The following ERCC8 variants were observed in gnomAD, a reference collection of about 807,000 sequenced individuals.
The protein encoded by ERCC8 is DNA excision repair protein ERCC-8.
ERCC8 carries 52 observed loss-of-function variants against 54.9 expected under a neutral mutation model. The observed-to-expected ratio is 0.95, with a 90% CI of 0.76 to 1.19. The LOEUF (loss-of-function observed/expected upper bound fraction) is 1.19, where lower values mean the gene tolerates loss of function less well. Ranked by LOEUF, ERCC8 falls within the 50% of genes most tolerant of loss-of-function variation. ERCC8 has a pLI of 0.00. For missense variants in ERCC8, 514 were observed against 466.1 expected, an observed-to-expected ratio of 1.10 and a Z score of -0.95; for synonymous variants, 146 against 157.2, an observed-to-expected ratio of 0.93 and a Z score of 0.53.
intron 11 of ERCC8, among the ~76,000 whole-genome samples, chr5:60,875,890 T>C (rs1301600723): frequency 1.1e-4 from 13 of 114,060 alleles, no homozygotes; most frequent in Non-Finnish European, 1.9e-4. Context: ...TTATTTATTT[T>C]TTCTTTTTTT....
intron 7 of ERCC8, 21 bp downstream of exon 7, chr5:60,902,421 A>T: frequency 6.3e-7 from 1 of 1,581,848 alleles, no homozygotes; most frequent in Non-Finnish European, 8.7e-7. Flanking sequence ...TAACTTCAAA[A>T]GCAAATAAGT....
chr5:60,935,171 A>C (rs1750028767), intron 1 of ERCC8, among the ~76,000 whole-genome samples: 1 of 152,090 alleles, frequency 6.6e-6, no homozygotes, highest in Non-Finnish European at 1.5e-5. Context: ...CCAAATGTAG[A>C]ATTTAGCTGT....
chr5:60,888,729 C>A (rs190076110), intron 10 of ERCC8, among the ~76,000 whole-genome samples: 4 of 152,304 alleles, frequency 2.6e-5, no homozygotes, highest in Admixed American at 2.6e-4. Flanking sequence ...CAAAAGACTT[C>A]TTTTCCCCCT....
chr5:60,890,545 A>C (rs1748516147), intron 10 of ERCC8, among the ~76,000 whole-genome samples: 1 of 152,210 alleles, frequency 6.6e-6, no homozygotes, highest in Admixed American at 6.5e-5. Flanking sequence ...ACATATACAA[A>C]TTATATTTTA....
intron 9 of ERCC8, chr5:60,892,231 C>A: frequency 1.8e-6 from 1 of 542,960 alleles, no homozygotes. Context: ...GATCTCCAAT[C>A]TTATATACAG....
chr5:60,931,524 GT>G (rs1215255734), intron 1 of ERCC8, among the ~76,000 whole-genome samples: 1 of 152,066 alleles, frequency 6.6e-6, no homozygotes, highest in Admixed American at 6.5e-5. Context: ...GCCCAGGCTG[GT>G]TTGGAACTCC....
chr5:60,907,079 A>G (rs12696976), intron 4 of ERCC8, among the ~76,000 whole-genome samples: 22,644 of 152,278 alleles, frequency 0.15, 2,137 homozygotes, highest in South Asian at 0.28. Flanking sequence ...TGACATCACC[A>G]TAAAAGATTA....
At chr5:60,908,454 G>A (rs983717047) in intron 4 of ERCC8, among the ~76,000 whole-genome samples, 5 of 151,180 alleles carry the variant, frequency 3.3e-5, no homozygotes, top group African/African-American at 4.9e-5. Context: ...TCAACAAATC[G>A]AAAATTGAAC....
At chr5:60,877,450 A>G (rs1748048539) in intron 11 of ERCC8, among the ~76,000 whole-genome samples, 1 of 152,136 alleles carries the variant, frequency 6.6e-6, no homozygotes, top group Non-Finnish European at 1.5e-5. Context: ...CATTGAATCT[A>G]TAAATTACCT....
chr5:60,924,892 G>C (rs1749702635), intron 2 of ERCC8, among the ~76,000 whole-genome samples: 1 of 151,794 alleles, frequency 6.6e-6, no homozygotes, highest in Non-Finnish European at 1.5e-5. Context: ...TCATTTCTGA[G>C]GTTTTCTAAT....
rs1747884000 is a variant in ERCC8, at chr5:60,872,510, G to A, written c.*2105C>T. On this transcript the variant is annotated 3_prime_UTR_variant, in exon 12 of 12. Coordinates refer to ENST00000676185, the MANE Select transcript of ERCC8 (RefSeq NM_000082.4). ...AAAGACAGTTCTCAAAAGAAGACATGCAAATGGCCAGCAGATATATGAAAA... is the reference window on the plus strand; with the variant it reads ...AAAGACAGTTCTCAAAAGAAGACATACAAATGGCCAGCAGATATATGAAAA... 6.6e-6 allele frequency among the ~76,000 whole-genome samples: 1 copy of A among 152,086 alleles called. No homozygotes were observed. Among genetic ancestry groups the A allele is most frequent in the Non-Finnish European group, 1.5e-5 (1 of 67,998 alleles).
At position 60,868,051 on chromosome 5, in the gene ERCC8, ATG is replaced by A. The variant is rs1747789741; in HGVS notation, c.*6562_*6563del. 6.6e-6 allele frequency among the ~76,000 whole-genome samples: 1 copy of A among 152,152 alleles called. No homozygotes were observed. The highest frequency in any genetic ancestry group is 2.1e-4 in the South Asian group (1 of 4,832). On this transcript the variant is annotated 3_prime_UTR_variant, in exon 12 of 12. Coordinates refer to ENST00000676185, the MANE Select transcript of ERCC8 (RefSeq NM_000082.4). ...CAAAATAAGCCAGGCATGGTGGCGC[ATG>A]CCTGTAATCCCAGCTACTTGGGAGG...
intron 1 of ERCC8, among the ~76,000 whole-genome samples, chr5:60,929,443 A>G (rs1749845132): frequency 1.3e-5 from 2 of 152,060 alleles, no homozygotes; most frequent in African/African-American, 4.8e-5. Context: ...AAAAAATAAA[A>G]TAAAAATAAG....
intron 3 of ERCC8, 71 bp from the exon 4 acceptor site, chr5:60,918,459 CAAG>C: frequency 7.4e-7 from 1 of 1,344,176 alleles, no homozygotes. Flanking sequence ...ATATTAAGAA[CAAG>C]TAGTAGTCTC....
chr5:60,887,586 A>T, intron 10 of ERCC8, 66 bp from the exon 11 acceptor site: 6 of 1,157,942 alleles, frequency 5.2e-6, no homozygotes, highest in African/African-American at 1.5e-5. Flanking sequence ...AATGAATTAT[A>T]TCATTTTTGA....
rs553096229 is a variant in ERCC8 at position 60,893,257 on chromosome 5, C to T, written c.844-2171G>A. ...AAGCCTTCATAGTGGCCTCGTCATC[C>T]AGCTGAGGAAACATATTTAATTCCT... On this transcript the variant is annotated intron_variant, in intron 9 of 11. Coordinates refer to ENST00000676185, the MANE Select transcript of ERCC8 (RefSeq NM_000082.4). 63 of 1,011,322 alleles carry T rather than the reference C, an allele frequency of 6.2e-5. No individual in the cohort carries two copies. In the African/African-American group the frequency reaches 9.7e-4, roughly 16 times the overall value. The allele number at this position is 1,011,322 out of a possible 1,614,324, so 62.6% of individuals were successfully genotyped here. A position where few individuals can be genotyped will look rare whatever the true frequency, so the allele number is the denominator to read the frequency against.
At chr5:60,898,582 A>G (rs1052696266) in intron 8 of ERCC8, among the ~76,000 whole-genome samples, 182 bp from the exon 9 acceptor site, 10 of 152,048 alleles carry the variant, frequency 6.6e-5, no homozygotes, top group Admixed American at 6.6e-5. Flanking sequence ...TCAGAACCAT[A>G]AAAATAGAGG....
chr5:60,943,734 G>A (rs537020465), intron 1 of ERCC8, among the ~76,000 whole-genome samples: 88 of 152,296 alleles, frequency 5.8e-4, no homozygotes, highest in African/African-American at 2.0e-3. Context: ...CATGCTGATT[G>A]TGGCAACAAT....
chr5:60,875,032 T>C (rs1056218553), intron 11 of ERCC8, among the ~76,000 whole-genome samples: 1 of 152,226 alleles, frequency 6.6e-6, no homozygotes, highest in Non-Finnish European at 1.5e-5. Flanking sequence ...AGTGGCACTC[T>C]GATATCCATA....
Sources: gnomAD v4.1 joint callset for allele counts (sites outside exome capture counted in the v4.1 genomes callset) on GRCh38, gnomAD v4.1.1 for gene constraint, MANE v1.5 for transcripts, NCBI Gene and HGNC (gene_info 2026-07-23, HGNC 2026-07-21) for gene names.